Variants in ADAM2 observed in about 807,000 individuals in gnomAD.
ADAM2 encodes disintegrin and metalloproteinase domain-containing protein 2.
Under a neutral mutation model 99.3 loss-of-function variants are expected in ADAM2, and 101 were observed. The ratio of observed to expected loss-of-function variants is 1.02; its 90% CI spans 0.87 to 1.20. The LOEUF is 1.20. Ranked by LOEUF, ADAM2 falls within the 50% of genes most tolerant of loss-of-function variation. The pLI is 0.00. For synonymous variants in ADAM2, 323 were observed against 287.6 expected (o/e 1.12, Z -1.25); for missense variants, 948 against 878.7 (o/e 1.08, Z -1.00).
chr8:39,803,554 A>T (rs73673810), intron 7 of ADAM2, among the ~76,000 whole-genome samples: 5,541 of 152,262 alleles, frequency 0.036, 237 homozygotes, highest in African/African-American at 0.1. Flanking sequence ...AAGCTGCCTT[A>T]AAAAAGGCGA....
At chr8:39,823,013 C>T (rs543862485) in intron 4 of ADAM2, among the ~76,000 whole-genome samples, 26 of 152,240 alleles carry the variant, frequency 1.7e-4, no homozygotes, top group African/African-American at 4.3e-4. Context: ...ATGATCTGCC[C>T]GCGTTGGCCT....
intron 7 of ADAM2, among the ~76,000 whole-genome samples, chr8:39,796,169 C>T (rs1335364628): frequency 6.6e-6 from 1 of 151,848 alleles, no homozygotes; most frequent in Non-Finnish European, 1.5e-5. Flanking sequence ...CCTATTGACT[C>T]ATCCTCTAAG....
intron 7 of ADAM2, among the ~76,000 whole-genome samples, chr8:39,789,795 C>A (rs1803625576): frequency 6.7e-6 from 1 of 150,094 alleles, no homozygotes; most frequent in South Asian, 2.1e-4. Context: ...AATATATATC[C>A]CATAAAGATC....
At chr8:39,823,217 C>T (rs924405479) in intron 4 of ADAM2, among the ~76,000 whole-genome samples, 2 of 152,166 alleles carry the variant, frequency 1.3e-5, no homozygotes, top group Non-Finnish European at 2.9e-5. Flanking sequence ...ACTCTGGATG[C>T]AGGGAACAAA....
At chr8:39,767,319 A>G in intron 12 of ADAM2, 68 bp from the exon 13 acceptor site, 1 of 1,311,046 alleles carries the variant, frequency 7.6e-7, no homozygotes, top group South Asian at 1.3e-5. Context: ...GCATGTTCAT[A>G]AAGACAACAT....
intron 7 of ADAM2, among the ~76,000 whole-genome samples, chr8:39,791,166 A>T (rs1252118231): frequency 6.6e-6 from 1 of 152,092 alleles, no homozygotes; most frequent in Non-Finnish European, 1.5e-5. Context: ...ACCTTTCAAG[A>T]ATCCAGGGAG....
intron 6 of ADAM2, among the ~76,000 whole-genome samples, chr8:39,810,902 A>C (rs1804666050): frequency 6.6e-6 from 1 of 152,180 alleles, no homozygotes; most frequent in African/African-American, 2.4e-5. Context: ...AACACATTCA[A>C]AACCTAGCAG....
In ADAM2 at chr8:39,833,928, AATG is replaced by A. The variant is rs1805715443; in HGVS notation, c.188+13_188+15del. The A allele has an allele frequency of 2.3e-6, 3 of 1,327,330 alleles. No individual in the cohort carries two copies. Among genetic ancestry groups the A allele is most frequent in the African/African-American group, 2.9e-5 (2 of 68,708 alleles). 82.2% of individuals were successfully genotyped at this position (1,327,330 alleles called of 1,614,324 possible). On this transcript the variant is annotated intron_variant, in intron 3 of 20. Coordinates refer to ENST00000265708, the MANE Select transcript of ADAM2 (RefSeq NM_001464.5). ...GTAGAACAAAGAGAATTGATAAAATAATGATGATTACCTACTTTTGCATTAAAT... is the reference window on the plus strand; with the variant it reads ...GTAGAACAAAGAGAATTGATAAAATAATGATTACCTACTTTTGCATTAAAT...
chr8:39,755,412 C>T (rs1288833912), intron 16 of ADAM2, among the ~76,000 whole-genome samples: 11 of 152,280 alleles, frequency 7.2e-5, no homozygotes, highest in East Asian at 1.9e-4. Context: ...CAGTGGCTCA[C>T]GCCTGTAATC....
At chr8:39,835,869 G>A (rs887618737) in intron 2 of ADAM2, among the ~76,000 whole-genome samples, 22 of 151,860 alleles carry the variant, frequency 1.4e-4, no homozygotes, top group African/African-American at 5.3e-4. Context: ...AAATAAACTA[G>A]GCTATTATGC....
At chr8:39,827,095 A>C (rs2129588773) in intron 3 of ADAM2, among the ~76,000 whole-genome samples, 1 of 152,316 alleles carries the variant, frequency 6.6e-6, no homozygotes, top group African/African-American at 2.4e-5. Context: ...ACTTTCTCAA[A>C]AGAAGACATA....
At chr8:39,807,586 T>G (rs533657655) in intron 7 of ADAM2, among the ~76,000 whole-genome samples, 2 of 152,226 alleles carry the variant, frequency 1.3e-5, no homozygotes, top group Admixed American at 6.5e-5. Flanking sequence ...GGTGGGCCCC[T>G]CAAGATGAGA....
intron 16 of ADAM2, among the ~76,000 whole-genome samples, chr8:39,750,517 G>A (rs1005224685): frequency 6.6e-6 from 1 of 152,092 alleles, no homozygotes. Flanking sequence ...ATAAAAGTAG[G>A]TTTTGGAAAA....
At chr8:39,760,882 C>CAAAAAAAAAAAA (rs58386097) in intron 15 of ADAM2, among the ~76,000 whole-genome samples, 3 of 60,182 alleles carry the variant, frequency 5.0e-5, no homozygotes, top group Admixed American at 2.6e-4. Context: ...GACTCCATCT[C>CAAAAAAAAAAAA]AAAAAAAAAA....
At chr8:39,810,638 A>C (rs1181098141) in intron 6 of ADAM2, among the ~76,000 whole-genome samples, 1 of 152,190 alleles carries the variant, frequency 6.6e-6, no homozygotes, top group African/African-American at 2.4e-5. Flanking sequence ...ACTCACTCAA[A>C]ACCACTCAAC....
chr8:39,749,754 A>G lies in ADAM2; in HGVS notation c.1798-10T>C, dbSNP rs1257937562. The G allele has an allele frequency of 8.1e-6, 13 of 1,608,886 alleles. No homozygotes were observed. The highest frequency in any genetic ancestry group is 1.3e-5 in the African/African-American group (1 of 74,744). On this transcript the variant is annotated splice_polypyrimidine_tract_variant and intron_variant, in intron 16 of 20. Coordinates refer to ENST00000265708, the MANE Select transcript of ADAM2 (RefSeq NM_001464.5). ...TTTGATTCCTGCAAACCTAAAAAGG[A>G]TGAGCAAAAATAAGTTAATTGACAT...
At chr8:39,832,361 G>A (rs1805652607) in intron 3 of ADAM2, among the ~76,000 whole-genome samples, 2 of 152,100 alleles carry the variant, frequency 1.3e-5, no homozygotes, top group African/African-American at 4.8e-5. Flanking sequence ...GCCTGGGTAG[G>A]GACTGACAGG....
chr8:39,748,070 A>G (rs1014482358), intron 18 of ADAM2, among the ~76,000 whole-genome samples: 10 of 152,194 alleles, frequency 6.6e-5, no homozygotes, highest in African/African-American at 2.4e-4. Context: ...TTTGTTGGTT[A>G]TGAATTTGAG....
At chr8:39,834,072 T>G in intron 2 of ADAM2, 73 bp from the exon 3 acceptor site, 1 of 765,932 alleles carries the variant, frequency 1.3e-6, no homozygotes, top group Non-Finnish European at 2.2e-6. Flanking sequence ...TCATTTTACA[T>G]TAATGATAAT....
Sources: gnomAD v4.1 joint callset for allele counts (sites outside exome capture counted in the v4.1 genomes callset) on GRCh38, gnomAD v4.1.1 for gene constraint, MANE v1.5 for transcripts, NCBI Gene and HGNC (gene_info 2026-07-23, HGNC 2026-07-21) for gene names.